Variants in ZNF117 observed in about 807,000 individuals in gnomAD.
ZNF117 encodes the protein zinc finger protein 117, also known as Krueppel-related zinc finger protein.
Under a neutral mutation model 41.2 loss-of-function variants are expected in ZNF117, and 37 were observed. The ratio of observed to expected loss-of-function variants is 0.90; its 90% CI spans 0.69 to 1.18. The LOEUF is 1.18. Ranked by LOEUF, ZNF117 falls within the 50% of genes most tolerant of loss-of-function variation. The pLI, the probability that ZNF117 is intolerant of heterozygous loss-of-function variation, is 0.00. For synonymous variants in ZNF117, 186 were observed against 186.6 expected (o/e 1.00, Z 0.02); for missense variants, 546 against 557.5 (o/e 0.98, Z 0.21).
At chr7:64,989,572 A>G (rs990245686) in intron 1 of ZNF117, among the ~76,000 whole-genome samples, 2 of 147,444 alleles carry the variant, frequency 1.4e-5, no homozygotes, top group Non-Finnish European at 3.0e-5. Flanking sequence ...TTTATGATGA[A>G]GATACCAAAA....
chr7:64,987,459 G>C (rs1786158607), intron 1 of ZNF117, among the ~76,000 whole-genome samples: 2 of 152,128 alleles, frequency 1.3e-5, no homozygotes, highest in African/African-American at 4.8e-5. Context: ...TACTGAAGGA[G>C]ATTTAGATGT....
chr7:64,981,421 A>G, exon 2 of ZNF117: 1 of 1,613,078 alleles, frequency 6.2e-7, no homozygotes, highest in East Asian at 2.2e-5. Flanking sequence ...GTCTCTTCAT[A>G]TTCCAGGGCT....
At chr7:64,982,878 C>T (rs138050250), upstream of ZNF117, among the ~76,000 whole-genome samples, 330 of 152,304 alleles carry the variant, frequency 2.2e-3, no homozygotes, top group African/African-American at 7.6e-3. Flanking sequence ...GAATCATTAA[C>T]ATCAACTGCA....
chr7:64,978,064 A>G, exon 3 of ZNF117: 1 of 1,563,418 alleles, frequency 6.4e-7, no homozygotes, highest in Non-Finnish European at 8.7e-7. Context: ...CATTCTTCAC[A>G]CTTGTAAGGT....
At chr7:64,982,253 C>G (rs1340246457), upstream of ZNF117, 3 of 369,938 alleles carry the variant, frequency 8.1e-6, no homozygotes, top group Non-Finnish European at 1.5e-5. Context: ...ATGAAACTAT[C>G]CATAAAAGAA....
intron 2 of ZNF117, chr7:64,981,145 G>A (rs2129119315): frequency 2.0e-6 from 1 of 500,300 alleles, no homozygotes; most frequent in South Asian, 2.5e-5. Context: ...TATATCCCAT[G>A]AAGAGGATGT....
rs377606746 is a variant in ZNF117 at position 64,978,854 on chromosome 7, A to G, written c.717T>C (p.His239=). Residue 239 remains histidine (H), a synonymous_variant, in exon 3 of 3, where the codon CAT becomes CAC. Coordinates refer to ENST00000620222, the Ensembl canonical transcript of ZNF117. ...GTTTCTCTCCGGTATGAATTAACTT[A>G]TGTTCAGTAAGCTTTGAGGCTTGGT... is the stretch of plus-strand genomic sequence containing the variant. 5.0e-6 allele frequency: 8 copies of G among 1,613,602 alleles called. No individual in the cohort carries two copies. In the African/African-American group the frequency reaches 1.1e-4, roughly 22 times the overall value.
At chr7:64,986,350 A>G (rs981081524), upstream of ZNF117, among the ~76,000 whole-genome samples, 5 of 152,230 alleles carry the variant, frequency 3.3e-5, no homozygotes, top group Non-Finnish European at 7.3e-5. Flanking sequence ...ACTGTTATGT[A>G]AGAGGGAGGT....
Position 64,979,333 on chromosome 7 carries a change from T to C in ZNF117, c.238A>G (p.Ile80Val), listed in dbSNP as rs189176142. ...TCTACATATTTATTACATTGAAATA[T>C]TTTGCTCAAGGTAGTTTTCAAACAT... The change falls in exon 3 of 3, where the codon ATA becomes GTA. Residue 80 changes from isoleucine (I) to valine (V), a missense_variant. Coordinates refer to ENST00000620222, the Ensembl canonical transcript of ZNF117. The C allele has an allele frequency of 1.2e-5, 19 of 1,594,090 alleles. No individual in the cohort carries two copies. The East Asian group carries it at 4.0e-4, about 34-fold the overall frequency.
At chr7:64,981,106 A>C (rs1017147585) in intron 2 of ZNF117, 67 of 355,112 alleles carry the variant, frequency 1.9e-4, no homozygotes, top group Admixed American at 5.9e-4. Flanking sequence ...ACAACAACAA[A>C]AAAAAACCAG....
chr7:64,978,591 T>A, exon 3 of ZNF117: 3 of 1,612,888 alleles, frequency 1.9e-6, no homozygotes, highest in Non-Finnish European at 1.7e-6. Context: ...CTCTCCAGTA[T>A]GAATTTTTTT....
chr7:64,988,979 T>C (rs912736836), intron 1 of ZNF117, among the ~76,000 whole-genome samples: 1 of 152,136 alleles, frequency 6.6e-6, no homozygotes, highest in Non-Finnish European at 1.5e-5. Context: ...TTTATGCTCA[T>C]GGATAAAAAA....
chr7:64,976,305 G>A (rs1176764537), exon 3 of ZNF117: 3 of 152,472 alleles, frequency 2.0e-5, no homozygotes, highest in African/African-American at 7.2e-5. Context: ...AGCCAAATGT[G>A]GTGGTGTGTG....
At chr7:64,979,601 C>G (rs1224785742) in intron 2 of ZNF117, 65 bp from the exon 4 acceptor site, 2 of 1,271,174 alleles carry the variant, frequency 1.6e-6, no homozygotes, top group Non-Finnish European at 2.1e-6. Context: ...CTTTACAAAT[C>G]TAACCCATAA....
intron 2 of ZNF117, chr7:64,981,090 C>A: frequency 6.1e-6 from 2 of 330,440 alleles, no homozygotes; most frequent in Non-Finnish European, 1.1e-5. Context: ...TTGTGTGTCC[C>A]CCAAAACAAC....
chr7:64,979,132 T>A (rs748101179), exon 3 of ZNF117: 3 of 1,610,670 alleles, frequency 1.9e-6, no homozygotes, highest in Non-Finnish European at 8.5e-7. Flanking sequence ...GAGGACCAGT[T>A]AAAGGCTCTT....
At chr7:64,985,136 T>C (rs1024815789), upstream of ZNF117, among the ~76,000 whole-genome samples, 1 of 152,240 alleles carries the variant, frequency 6.6e-6, no homozygotes, top group African/African-American at 2.4e-5. Context: ...AAGTAAATAT[T>C]GTAGTGTTAT....
upstream of ZNF117, among the ~76,000 whole-genome samples, chr7:64,986,642 T>C (rs1786141030): frequency 6.6e-6 from 1 of 152,158 alleles, no homozygotes; most frequent in Non-Finnish European, 1.5e-5. Context: ...GTGGGCAAAA[T>C]ATGAGGGAGT....
chr7:64,981,075 C>G (rs1210405342), intron 2 of ZNF117: 6 of 299,252 alleles, frequency 2.0e-5, no homozygotes, highest in Non-Finnish European at 3.7e-5. Flanking sequence ...CAAAATTATG[C>G]ATATTTGTGT....
Sources: gnomAD v4.1 joint callset for allele counts (sites outside exome capture counted in the v4.1 genomes callset) on GRCh38, gnomAD v4.1.1 for gene constraint, MANE v1.5 for transcripts, NCBI Gene and HGNC (gene_info 2026-07-23, HGNC 2026-07-21) for gene names.